Variants in FSTL4 observed in about 807,000 individuals in gnomAD.
FSTL4 encodes follistatin like 4.
FSTL4 carries 28 observed loss-of-function variants against 78.2 expected under a neutral mutation model. The observed-to-expected ratio is 0.36, with a 90% CI of 0.27 to 0.49. FSTL4 has a LOEUF of 0.49. Ranked by LOEUF, FSTL4 falls within the 20% of genes least tolerant of loss-of-function variation. The pLI, the probability that FSTL4 is intolerant of heterozygous loss-of-function variation, is 0.98. For missense variants in FSTL4, 922 were observed against 1,084.9 expected (o/e 0.85, Z 2.11); for synonymous variants, 422 against 440.5 (o/e 0.96, Z 0.53).
At chr5:133,618,618 A>G in the FSTL4 span, among the ~76,000 whole-genome samples, 2 of 152,252 alleles carry the variant, frequency 1.3e-5, no homozygotes. Flanking sequence ...CACCAGTCCT[A>G]GCCCTTTATA....
chr5:133,218,181 A>G (rs1334844887), intron 12 of FSTL4, among the ~76,000 whole-genome samples: 2 of 152,184 alleles, frequency 1.3e-5, no homozygotes, highest in Non-Finnish European at 2.9e-5. Context: ...TCCATAGGCC[A>G]AAACCTTACA....
chr5:133,832,680 T>C, the FSTL4 span, among the ~76,000 whole-genome samples: 1 of 152,364 alleles, frequency 6.6e-6, no homozygotes, highest in Non-Finnish European at 1.5e-5. Flanking sequence ...GGCAAGACCA[T>C]TAAACTTGTT....
At chr5:133,403,031 A>G (rs1756274261) in intron 3 of FSTL4, among the ~76,000 whole-genome samples, 1 of 152,194 alleles carries the variant, frequency 6.6e-6, no homozygotes, top group South Asian at 2.1e-4. Flanking sequence ...GCCATGGAGC[A>G]TATTTGATTA....
At chr5:133,342,621 C>T (rs1164791235) in intron 4 of FSTL4, among the ~76,000 whole-genome samples, 1 of 152,142 alleles carries the variant, frequency 6.6e-6, no homozygotes. Context: ...GGACGTCCAG[C>T]CTGAATCAGA....
intron 3 of FSTL4, among the ~76,000 whole-genome samples, chr5:133,518,106 C>T (rs1331280755): frequency 6.6e-6 from 1 of 152,058 alleles, no homozygotes; most frequent in African/African-American, 2.4e-5. Context: ...ACTTTATATG[C>T]ATATAAACGA....
the FSTL4 span, among the ~76,000 whole-genome samples, chr5:133,745,814 CCAGAA>C: frequency 6.6e-6 from 1 of 152,196 alleles, no homozygotes; most frequent in Non-Finnish European, 1.5e-5. Context: ...TAGATCGATT[CCAGAA>C]CAAAGTTTTG....
At chr5:133,782,720 T>G in the FSTL4 span, among the ~76,000 whole-genome samples, 1 of 152,240 alleles carries the variant, frequency 6.6e-6, no homozygotes. Flanking sequence ...CCCAGGATAC[T>G]GTAGAGCCGG....
At chr5:133,841,372 A>C in the FSTL4 span, among the ~76,000 whole-genome samples, 1 of 152,222 alleles carries the variant, frequency 6.6e-6, no homozygotes, top group South Asian at 2.1e-4. Flanking sequence ...TTTGCCATGC[A>C]CGGTATCACC....
intron 3 of FSTL4, among the ~76,000 whole-genome samples, chr5:133,526,038 C>A (rs1306682994): frequency 6.6e-6 from 1 of 152,164 alleles, no homozygotes; most frequent in Non-Finnish European, 1.5e-5. Flanking sequence ...GCACCTCTCA[C>A]GGGACACACA....
At chr5:133,748,206 G>GA in the FSTL4 span, among the ~76,000 whole-genome samples, 2,791 of 143,552 alleles carry the variant, frequency 0.019, 42 homozygotes, top group Middle Eastern at 0.049. Context: ...AAAAGAAGAA[G>GA]AAAAAAAAAA....
chr5:133,246,548 A>G (rs2126819205), intron 7 of FSTL4: 1 of 152,364 alleles, frequency 6.6e-6, no homozygotes, highest in Non-Finnish European at 1.5e-5. Flanking sequence ...GAGAAGTCCA[A>G]CAGCTCACCC....
chr5:133,618,236 C>T, the FSTL4 span, among the ~76,000 whole-genome samples: 1 of 152,102 alleles, frequency 6.6e-6, no homozygotes, highest in Non-Finnish European at 1.5e-5. Flanking sequence ...ATATCTTCCT[C>T]TCAAAATACC....
chr5:133,657,713 C>T, the FSTL4 span, among the ~76,000 whole-genome samples: 1 of 149,720 alleles, frequency 6.7e-6, no homozygotes, highest in African/African-American at 2.5e-5. Flanking sequence ...TTACTCAACA[C>T]TATTTTAAGA....
Position 133,267,733 on chromosome 5 carries a change from G to T in FSTL4, c.728-18157C>A, listed in dbSNP as rs554592617. Among the ~76,000 whole-genome samples the T allele has an allele frequency of 8.5e-5, 13 of 152,318 alleles. No homozygotes were observed. The East Asian group carries it at 2.5e-3, about 29-fold the overall frequency. On this transcript the variant is annotated intron_variant, in intron 6 of 15. Transcript: ENST00000265342. ...GCTGTCAGTCATTAACACACAGGCA[G>T]AAGAGACTGCTAGATAGGTTCCAAG...
intron 7 of FSTL4, chr5:133,247,242 G>A (rs1411271358): frequency 1.3e-5 from 2 of 152,144 alleles, no homozygotes; most frequent in South Asian, 2.1e-4. Flanking sequence ...GATAATGAGG[G>A]GCCATTCATC....
the FSTL4 span, among the ~76,000 whole-genome samples, chr5:133,817,678 C>T: frequency 1.3e-5 from 2 of 152,166 alleles, no homozygotes; most frequent in Admixed American, 1.3e-4. Context: ...CTCTTCCAGC[C>T]CTCTGACCTC....
chr5:133,383,991 A>G (rs1241953582), intron 4 of FSTL4, among the ~76,000 whole-genome samples: 2 of 152,218 alleles, frequency 1.3e-5, no homozygotes, highest in Non-Finnish European at 2.9e-5. Context: ...AAGTGTTTAA[A>G]TATAATTTCA....
chr5:133,211,665 A>T (rs1284567029), intron 13 of FSTL4, among the ~76,000 whole-genome samples: 1 of 152,290 alleles, frequency 6.6e-6, no homozygotes, highest in Admixed American at 6.5e-5. Flanking sequence ...CCTATTTGAC[A>T]TTTCAGTAAG....
At chr5:133,517,361 T>G (rs1226994178) in intron 3 of FSTL4, among the ~76,000 whole-genome samples, 5 of 136,946 alleles carry the variant, frequency 3.7e-5, no homozygotes, top group Admixed American at 2.3e-4. Context: ...AGGTGGAGGT[T>G]GCATTAAGCC....
Sources: allele counts gnomAD v4.1 joint callset (sites outside exome capture counted in the v4.1 genomes callset), GRCh38; gene constraint gnomAD v4.1.1; transcripts MANE v1.5; gene names NCBI Gene and HGNC (gene_info 2026-07-23, HGNC 2026-07-21).